ARHGEF10: variants seen among roughly 807,000 people sequenced by gnomAD.
ARHGEF10 encodes Rho guanine nucleotide exchange factor 10.
Under a neutral mutation model 147.4 loss-of-function variants are expected in ARHGEF10, and 140 were observed. The ratio of observed to expected loss-of-function variants is 0.95; its 90% CI spans 0.83 to 1.09. ARHGEF10 has a LOEUF of 1.09. ARHGEF10 is among the 50% of genes least tolerant of loss of function. ARHGEF10 has a pLI of 0.00. For synonymous variants in ARHGEF10, 902 were observed against 695.8 expected, an observed-to-expected ratio of 1.30 and a Z score of -4.67; for missense variants, 2,222 against 1,752.7, an observed-to-expected ratio of 1.27 and a Z score of -4.78.
chr8:1,893,668 T>C (rs374511029), intron 12 of ARHGEF10, 22 bp downstream of exon 12: 58 of 1,478,220 alleles, frequency 3.9e-5, no homozygotes, highest in Non-Finnish European at 4.7e-5. Flanking sequence ...TCGTGTTACA[T>C]AATACATACA....
At chr8:1,905,749 C>T in intron 17 of ARHGEF10, 33 bp downstream of exon 17, 1 of 1,610,112 alleles carries the variant, frequency 6.2e-7, no homozygotes, top group Non-Finnish European at 8.5e-7. Flanking sequence ...GTAGTCCTAC[C>T]ATCATCACAT....
chr8:1,868,821 C>T (rs1006066683), intron 6 of ARHGEF10, among the ~76,000 whole-genome samples: 3 of 151,992 alleles, frequency 2.0e-5, no homozygotes, highest in Admixed American at 6.5e-5. Context: ...TTAAAATACT[C>T]GTCAGAGAGC....
chr8:1,957,446 A>T lies in ARHGEF10; in HGVS notation c.*183A>T. 6 of 833,640 alleles carry T rather than the reference A, an allele frequency of 7.2e-6. No homozygotes were observed. The highest frequency in any genetic ancestry group is 1.1e-5 in the Non-Finnish European group (6 of 546,506). 51.6% of individuals were successfully genotyped at this position (833,640 alleles called of 1,614,324 possible). On this transcript the variant is annotated 3_prime_UTR_variant, in exon 29 of 29. Coordinates refer to ENST00000349830, the MANE Select transcript of ARHGEF10 (RefSeq NM_014629.4). ...TGCCAATTCCTTCCTTCTCTTCTGT[A>T]CAGCAGAAGTAATTACAAGCACTTC... is the stretch of plus-strand genomic sequence containing the variant.
chr8:1,898,067 C>A (rs904603230), intron 14 of ARHGEF10, among the ~76,000 whole-genome samples: 3 of 152,174 alleles, frequency 2.0e-5, no homozygotes, highest in Non-Finnish European at 4.4e-5. Flanking sequence ...AGCCGTCAGC[C>A]TCCAGGACGT....
chr8:1,876,167 T>G (rs576745643), intron 7 of ARHGEF10: 17 of 270,580 alleles, frequency 6.3e-5, no homozygotes, highest in South Asian at 4.2e-4. Context: ...TCGACATGCC[T>G]ATCATCTGTC....
intron 26 of ARHGEF10, 83 bp from the exon 27 acceptor site, chr8:1,945,398 C>A: frequency 6.6e-7 from 1 of 1,516,098 alleles, no homozygotes; most frequent in South Asian, 1.2e-5. Context: ...GAATGGCGCT[C>A]CAGCTGGACG....
At chr8:1,920,204 T>C (rs1812173986) in intron 18 of ARHGEF10, among the ~76,000 whole-genome samples, 1 of 152,210 alleles carries the variant, frequency 6.6e-6, no homozygotes, top group Admixed American at 6.5e-5. Context: ...TGAAAATATA[T>C]AGAGCCGCAC....
At chr8:1,836,696 G>A (rs1378449672) in intron 1 of ARHGEF10, among the ~76,000 whole-genome samples, 1 of 152,284 alleles carries the variant, frequency 6.6e-6, no homozygotes, top group East Asian at 1.9e-4. Context: ...CAAAGGCGTG[G>A]TTTCTGTGTC....
At chr8:1,883,976 C>G (rs1808431883) in intron 10 of ARHGEF10, among the ~76,000 whole-genome samples, 1 of 152,170 alleles carries the variant, frequency 6.6e-6, no homozygotes, top group Non-Finnish European at 1.5e-5. Context: ...GGCAGAGTCC[C>G]CCGGGACTGG....
intron 18 of ARHGEF10, among the ~76,000 whole-genome samples, 166 bp downstream of exon 18, chr8:1,909,636 CA>C (rs561383816): frequency 2.6e-4 from 39 of 152,232 alleles, no homozygotes; most frequent in Non-Finnish European, 4.8e-4. Context: ...GTCTGACTAA[CA>C]TGGCCAAGTC....
At chr8:1,924,854 A>G (rs2129215712) in intron 21 of ARHGEF10, among the ~76,000 whole-genome samples, 1 of 152,314 alleles carries the variant, frequency 6.6e-6, no homozygotes, top group African/African-American at 2.4e-5. Context: ...ATATTTCTCC[A>G]TTTTGTTGTA....
Position 1,957,328 on chromosome 8 carries a change from G to T in ARHGEF10, c.*65G>T. 6.4e-7 allele frequency: 1 copy of T among 1,565,894 alleles called. No individual in the cohort carries two copies. ...GGGTGACTTCTCAGCTAATCCTACA[G>T]CCTGAGTGGTTAAGCTGTGTCTACA... On this transcript the variant is annotated 3_prime_UTR_variant, in exon 29 of 29. Transcript: ENST00000349830.
chr8:1,898,792 C>T (rs938245844), intron 15 of ARHGEF10, among the ~76,000 whole-genome samples: 1 of 152,042 alleles, frequency 6.6e-6, no homozygotes, highest in Non-Finnish European at 1.5e-5. Flanking sequence ...GTTGTGGGCC[C>T]TGGCCTGCCT....
At chr8:1,889,520 AGGGGTATTG>A (rs1264691735) in intron 11 of ARHGEF10, among the ~76,000 whole-genome samples, 5 of 31,392 alleles carry the variant, frequency 1.6e-4, no homozygotes, top group African/African-American at 7.3e-4. Context: ...GAGTGGGGTG[AGGGGTATTG>A]AGGAGACACT....
At chr8:1,840,715 C>T (rs1411148594) in intron 1 of ARHGEF10, among the ~76,000 whole-genome samples, 2 of 152,154 alleles carry the variant, frequency 1.3e-5, no homozygotes, top group African/African-American at 4.8e-5. Context: ...CCATGAGCGT[C>T]ATTCCCTACA....
intron 1 of ARHGEF10, among the ~76,000 whole-genome samples, chr8:1,831,845 C>T (rs1275711875): frequency 6.6e-6 from 1 of 152,226 alleles, no homozygotes; most frequent in Non-Finnish European, 1.5e-5. Context: ...CTCATTCTCA[C>T]CATGGGATCC....
intron 7 of ARHGEF10, among the ~76,000 whole-genome samples, chr8:1,871,781 C>T (rs1291729292): frequency 2.0e-5 from 3 of 152,190 alleles, no homozygotes; most frequent in Admixed American, 6.5e-5. Flanking sequence ...TGCACCACTA[C>T]ACTCCAGCCT....
At chr8:1,828,766 T>C (rs980759766) in intron 1 of ARHGEF10, among the ~76,000 whole-genome samples, 2 of 151,972 alleles carry the variant, frequency 1.3e-5, no homozygotes, top group Non-Finnish European at 1.5e-5. Context: ...AACCGTGGCA[T>C]GCACACTTAC....
At chr8:1,941,240 A>C (rs993702854) in intron 26 of ARHGEF10, among the ~76,000 whole-genome samples, 5 of 152,254 alleles carry the variant, frequency 3.3e-5, no homozygotes, top group African/African-American at 9.6e-5. Context: ...AAACTACTAG[A>C]CTAATAAACA....
Sources: gnomAD v4.1 joint callset for allele counts (sites outside exome capture counted in the v4.1 genomes callset) on GRCh38, gnomAD v4.1.1 for gene constraint, MANE v1.5 for transcripts, NCBI Gene and HGNC (gene_info 2026-07-23, HGNC 2026-07-21) for gene names.